ADK: variants seen among roughly 807,000 people sequenced by gnomAD.
ADK encodes N6,N6-dimethyladenosine kinase.
ADK carries 24 observed loss-of-function variants against 44.7 expected under a neutral mutation model. The ratio of observed to expected loss-of-function variants is 0.54; its 90% CI spans 0.39 to 0.76. ADK has a LOEUF of 0.76. Among genes scored for constraint, ADK ranks in the 30% least tolerant of loss-of-function variants. The probability of loss-of-function intolerance (pLI) is 0.00; values close to 1 mark genes in which losing one functional copy is unlikely to be tolerated. For synonymous variants in ADK, 128 were observed against 142.6 expected, an observed-to-expected ratio of 0.90 and a Z score of 0.73; for missense variants, 321 against 425.1, an observed-to-expected ratio of 0.76 and a Z score of 2.15.
At chr10:74,216,776 CTTGT>C (rs1844054149) in intron 2 of ADK, among the ~76,000 whole-genome samples, 1 of 151,692 alleles carries the variant, frequency 6.6e-6, no homozygotes, top group Non-Finnish European at 1.5e-5. Context: ...TGAATCATTC[CTTGT>C]TTAACACTTA....
intron 6 of ADK, among the ~76,000 whole-genome samples, chr10:74,509,162 A>G (rs1259591095): frequency 6.6e-6 from 1 of 152,062 alleles, no homozygotes; most frequent in Non-Finnish European, 1.5e-5. Context: ...TAATTTACAA[A>G]TAATAATTGT....
chr10:74,609,237 G>A (rs961050288), intron 9 of ADK, among the ~76,000 whole-genome samples: 21 of 152,122 alleles, frequency 1.4e-4, no homozygotes, highest in Admixed American at 5.2e-4. Context: ...CCCTTTCCAG[G>A]GGAGTGAACA....
intron 9 of ADK, among the ~76,000 whole-genome samples, chr10:74,660,605 C>G (rs1331385475): frequency 1.3e-5 from 2 of 151,758 alleles, no homozygotes; most frequent in Non-Finnish European, 2.9e-5. Context: ...TGGCATGCGC[C>G]TGTAATCCCA....
chr10:74,242,307 A>G (rs1214976770), intron 3 of ADK, among the ~76,000 whole-genome samples: 15 of 152,294 alleles, frequency 9.8e-5, no homozygotes, highest in African/African-American at 3.6e-4. Flanking sequence ...CAGTTTGGGG[A>G]GAAAAAAACA....
At chr10:74,193,839 T>C (rs982476080) in intron 1 of ADK, among the ~76,000 whole-genome samples, 1 of 152,056 alleles carries the variant, frequency 6.6e-6, no homozygotes, top group Non-Finnish European at 1.5e-5. Flanking sequence ...AATTATCATA[T>C]GCTAGCCATT....
chr10:74,366,182 G>T (rs933589921), intron 4 of ADK, among the ~76,000 whole-genome samples: 15 of 152,018 alleles, frequency 9.9e-5, no homozygotes, highest in African/African-American at 3.6e-4. Context: ...TTATAGTCTT[G>T]TTATTCATAA....
At chr10:74,508,414 T>A (rs1848168445) in intron 6 of ADK, 1 of 152,190 alleles carries the variant, frequency 6.6e-6, no homozygotes, top group South Asian at 2.1e-4. Context: ...TTCTTGTTAT[T>A]TCTAGAGGAA....
chr10:74,600,514 A>T, intron 9 of ADK, 21 bp downstream of exon 9: 1 of 1,528,516 alleles, frequency 6.5e-7, no homozygotes, highest in Non-Finnish European at 9.0e-7. Flanking sequence ...GAAATGTGTG[A>T]TGAATCTAGT....
intron 1 of ADK, among the ~76,000 whole-genome samples, chr10:74,199,303 G>A (rs1213632383): frequency 6.6e-6 from 1 of 152,300 alleles, no homozygotes; most frequent in Admixed American, 6.5e-5. Flanking sequence ...AGTGAACATA[G>A]TAACCAATAG....
At chr10:74,566,499 G>C (rs909070718) in intron 7 of ADK, among the ~76,000 whole-genome samples, 15 of 151,650 alleles carry the variant, frequency 9.9e-5, no homozygotes, top group African/African-American at 2.9e-4. Context: ...ACCATACCTG[G>C]GCCTGTTTTC....
chr10:74,398,549 G>T lies in ADK; in HGVS notation c.525G>T (p.Leu175Phe), dbSNP rs1174654896. 3 of 1,610,234 alleles carry T rather than the reference G, an allele frequency of 1.9e-6. No individual in the cohort carries two copies. The highest frequency in any genetic ancestry group is 2.2e-5 in the South Asian group (2 of 90,836). ...KHLDLEKNWM[L>F]VEKARVCYIA... is the part of the protein sequence containing the mutation. ...TTGATCTGGAGAAAAACTGGATGTT[G>T]GTAGAAAAAGCAAGAGTTTGTTATA... Residue 175 changes from leucine to phenylalanine, a missense_variant, in exon 6 of 11, where the codon TTG (leucine) becomes TTT (phenylalanine). Transcript: ENST00000539909.
chr10:74,224,891 T>G (rs12773903), intron 3 of ADK, among the ~76,000 whole-genome samples: 1,944 of 152,246 alleles, frequency 0.013, 20 homozygotes, highest in Non-Finnish European at 0.02. Context: ...AATATTAAAT[T>G]GTTCCTATTT....
At chr10:74,458,302 T>TG (rs1554861836) in intron 6 of ADK, among the ~76,000 whole-genome samples, 2 of 146,482 alleles carry the variant, frequency 1.4e-5, no homozygotes, top group African/African-American at 2.5e-5. Context: ...AGGTTTTGTT[T>TG]TTTTTTTTTT....
At chr10:74,290,938 A>G (rs1416378568) in intron 3 of ADK, among the ~76,000 whole-genome samples, 1 of 152,144 alleles carries the variant, frequency 6.6e-6, no homozygotes, top group Non-Finnish European at 1.5e-5. Context: ...TCATCTGGAG[A>G]AAATGGGCTG....
intron 4 of ADK, among the ~76,000 whole-genome samples, chr10:74,374,112 T>C (rs78765968): frequency 0.018 from 2,718 of 152,174 alleles, 65 homozygotes; most frequent in African/African-American, 0.052. Context: ...AAATTAGTGT[T>C]TGCCTGGGAC....
At chr10:74,678,917 A>G (rs75881040) in intron 10 of ADK, among the ~76,000 whole-genome samples, 1,817 of 152,328 alleles carry the variant, frequency 0.012, 10 homozygotes, top group Middle Eastern at 0.024. Flanking sequence ...GATACATCCA[A>G]CATGTATCAG....
chr10:74,529,810 G>A (rs1415457508), intron 7 of ADK, among the ~76,000 whole-genome samples: 1 of 152,134 alleles, frequency 6.6e-6, no homozygotes, highest in African/African-American at 2.4e-5. Flanking sequence ...TAGAACATCT[G>A]TCATTACGTG....
intron 3 of ADK, among the ~76,000 whole-genome samples, chr10:74,298,259 TCTCA>T (rs1301958540): frequency 3.9e-5 from 6 of 152,292 alleles, no homozygotes; most frequent in Admixed American, 2.0e-4. Context: ...TCACTTTTTC[TCTCA>T]CTCACTCTCA....
chr10:74,638,269 T>C (rs1589321725), intron 9 of ADK, among the ~76,000 whole-genome samples: 1 of 152,328 alleles, frequency 6.6e-6, no homozygotes, highest in East Asian at 1.9e-4. Flanking sequence ...GCAGGTTTTA[T>C]ATAATATATC....
Sources: gnomAD v4.1 joint callset for allele counts (sites outside exome capture counted in the v4.1 genomes callset) on GRCh38, gnomAD v4.1.1 for gene constraint, MANE v1.5 for transcripts, NCBI Gene and HGNC (gene_info 2026-07-23, HGNC 2026-07-21) for gene names.